MALRD1: variants seen among roughly 807,000 people sequenced by gnomAD.
MALRD1 encodes MAM and LDL-receptor class A domain-containing protein 1.
MALRD1 carries 247 observed loss-of-function variants against 242.1 expected under a neutral mutation model. The observed-to-expected ratio is 1.02, with a 90% CI of 0.92 to 1.13. The LOEUF is 1.13. Among genes scored for constraint, MALRD1 ranks in the 50% most tolerant of loss-of-function variants. The probability of loss-of-function intolerance (pLI) is 0.00; values close to 1 mark genes in which losing one functional copy is unlikely to be tolerated. For synonymous variants in MALRD1, 995 were observed against 866.6 expected, an observed-to-expected ratio of 1.15 and a Z score of -2.60; for missense variants, 2,989 against 2,533.1, an observed-to-expected ratio of 1.18 and a Z score of -3.86.
chr10:19,275,397 G>A lies in MALRD1; in HGVS notation c.3080-4650G>A, dbSNP rs563027084. Among the ~76,000 whole-genome samples, 65 of 152,244 alleles carry A rather than the reference G, an allele frequency of 4.3e-4. 1 individual carries two copies. The highest frequency in any genetic ancestry group is 6.6e-4 in the Non-Finnish European group (45 of 68,016). On this transcript the variant is annotated intron_variant, in intron 19 of 39. Coordinates refer to ENST00000454679, the MANE Select transcript of MALRD1 (RefSeq NM_001142308.3). The stretch of plus-strand genomic sequence containing the variant: ...ATAAAATCAGAAATCGGCCGGGTGC[G>A]GTGGCTCACGCCTGTAATCCCAGCA...
intron 24 of MALRD1, among the ~76,000 whole-genome samples, chr10:19,345,131 T>C (rs1175120307): frequency 6.6e-6 from 1 of 152,190 alleles, no homozygotes; most frequent in East Asian, 1.9e-4. Context: ...TATTTTTGCT[T>C]ATTTTATTTT....
chr10:19,215,492 A>G (rs1310126521), intron 18 of MALRD1, among the ~76,000 whole-genome samples: 1 of 152,188 alleles, frequency 6.6e-6, no homozygotes, highest in Non-Finnish European at 1.5e-5. Context: ...TCTTTAAAAA[A>G]GCTGTCCACT....
At chr10:19,219,811 T>C (rs1416827732) in intron 18 of MALRD1, among the ~76,000 whole-genome samples, 1 of 87,294 alleles carries the variant, frequency 1.1e-5, no homozygotes, top group East Asian at 3.2e-4. Flanking sequence ...AAAGAGATAG[T>C]GCCTGCAGAT....
intron 20 of MALRD1, among the ~76,000 whole-genome samples, chr10:19,281,690 G>T (rs1388532889): frequency 2.0e-5 from 3 of 152,124 alleles, no homozygotes; most frequent in Admixed American, 2.0e-4. Context: ...CACATAACAT[G>T]GCCAGGTGCA....
intron 13 of MALRD1, among the ~76,000 whole-genome samples, chr10:19,174,054 A>G (rs926223496): frequency 6.6e-6 from 1 of 152,188 alleles, no homozygotes; most frequent in Admixed American, 6.5e-5. Flanking sequence ...AAAACTCTCT[A>G]TGTTTATGCT....
chr10:19,502,021 AAAAAG>A lies in MALRD1; in HGVS notation c.5320+3403_5320+3407del, dbSNP rs538436241. Among the ~76,000 whole-genome samples, 272 of 114,102 alleles carry A rather than the reference AAAAAG, an allele frequency of 2.4e-3. 5 individuals carry two copies. The highest frequency in any genetic ancestry group is 3.2e-3 in the Non-Finnish European group (190 of 59,456). The allele number at this position is 114,102 out of a possible 152,430, so 74.9% of individuals were successfully genotyped here. On this transcript the variant is annotated intron_variant, in intron 31 of 39. Coordinates refer to ENST00000454679, the MANE Select transcript of MALRD1 (RefSeq NM_001142308.3). ...CAGCAAGATTCTGTCTCAAAAAAAAAAAAAGAAAAGAAAAGAAAAGAAAAGAAAAG... is the reference window on the plus strand; with the variant it reads ...CAGCAAGATTCTGTCTCAAAAAAAAAAAAAGAAAAGAAAAGAAAAGAAAAG...
intron 22 of MALRD1, among the ~76,000 whole-genome samples, chr10:19,324,734 T>C (rs1286054745): frequency 6.6e-6 from 1 of 151,918 alleles, no homozygotes; most frequent in Non-Finnish European, 1.5e-5. Context: ...TTATCTTCCC[T>C]AGGTTTTTAT....
At chr10:19,402,339 T>A (rs1259267725) in intron 28 of MALRD1, among the ~76,000 whole-genome samples, 1 of 152,156 alleles carries the variant, frequency 6.6e-6, no homozygotes, top group Non-Finnish European at 1.5e-5. Flanking sequence ...AATCCCCATG[T>A]GTCAATAACG....
intron 5 of MALRD1, among the ~76,000 whole-genome samples, chr10:19,117,492 T>A (rs894030808): frequency 6.6e-6 from 1 of 152,058 alleles, no homozygotes; most frequent in African/African-American, 2.4e-5. Flanking sequence ...AGAGATAATA[T>A]ACAACATTTA....
chr10:19,734,156 G>A lies in MALRD1; in HGVS notation c.6391-1G>A, dbSNP rs1187232477. 1 of 1,530,422 alleles carries A rather than the reference G, an allele frequency of 6.5e-7. No individual in the cohort carries two copies. The highest frequency in any genetic ancestry group is 1.4e-5 in the African/African-American group (1 of 72,678). 94.8% of individuals were successfully genotyped at this position (1,530,422 alleles called of 1,614,324 possible). On this transcript the variant is annotated splice_acceptor_variant, in intron 39 of 39. Coordinates refer to ENST00000454679, the MANE Select transcript of MALRD1 (RefSeq NM_001142308.3). LOFTEE classifies it high-confidence loss of function. ...CTTTCAAATGTGTTTTTCTTCGTCAGAGTTCTGTCTATTCCTTCTCAAACC... is the reference window on the plus strand; with the variant it reads ...CTTTCAAATGTGTTTTTCTTCGTCAAAGTTCTGTCTATTCCTTCTCAAACC...
At chr10:19,431,921 C>T (rs1834147027) in intron 28 of MALRD1, among the ~76,000 whole-genome samples, 1 of 152,172 alleles carries the variant, frequency 6.6e-6, no homozygotes, top group East Asian at 1.9e-4. Flanking sequence ...TATTACTCCT[C>T]CTGTCAGGTG....
At chr10:19,643,375 G>A (rs944106642) in intron 36 of MALRD1, among the ~76,000 whole-genome samples, 45 of 152,294 alleles carry the variant, frequency 3.0e-4, no homozygotes, top group African/African-American at 1.0e-3. Flanking sequence ...GAACCTGGGA[G>A]GCGGAGGTTT....
At chr10:19,149,127 A>AT (rs1219449117) in intron 11 of MALRD1, among the ~76,000 whole-genome samples, 7 of 97,664 alleles carry the variant, frequency 7.2e-5, no homozygotes, top group South Asian at 3.4e-4. Flanking sequence ...TATCTATCTA[A>AT]CTAGCTGAGA....
intron 38 of MALRD1, among the ~76,000 whole-genome samples, chr10:19,719,246 A>AGGGAC (rs1834624252): frequency 7.4e-6 from 1 of 134,438 alleles, no homozygotes; most frequent in Admixed American, 7.7e-5. Context: ...ATATATATAT[A>AGGGAC]TATATATATA....
chr10:19,623,833 T>A (rs920497146), intron 36 of MALRD1, among the ~76,000 whole-genome samples: 1 of 151,260 alleles, frequency 6.6e-6, no homozygotes, highest in Admixed American at 6.6e-5. Flanking sequence ...TAATCTCTTC[T>A]GGAAACATCC....
chr10:19,161,550 C>CAAA, intron 12 of MALRD1, among the ~76,000 whole-genome samples: 5,410 of 60,664 alleles, frequency 0.089, 370 homozygotes, highest in East Asian at 0.15. Flanking sequence ...AAAAAAAAAG[C>CAAA]AAAAAAAAAA....
At chr10:19,241,737 T>C (rs1355741303) in intron 18 of MALRD1, among the ~76,000 whole-genome samples, 1 of 152,100 alleles carries the variant, frequency 6.6e-6, no homozygotes, top group African/African-American at 2.4e-5. Flanking sequence ...GTTCCATAGG[T>C]TTGGGTATGT....
intron 33 of MALRD1, among the ~76,000 whole-genome samples, chr10:19,589,248 A>AT (rs1472485025): frequency 6.6e-6 from 1 of 151,906 alleles, no homozygotes; most frequent in African/African-American, 2.4e-5. Context: ...CAACATTGGT[A>AT]TTTATGTATA....
intron 36 of MALRD1, among the ~76,000 whole-genome samples, chr10:19,619,556 A>T (rs977120788): frequency 1.3e-5 from 2 of 152,044 alleles, no homozygotes; most frequent in Non-Finnish European, 2.9e-5. Flanking sequence ...CAAATTACAC[A>T]TGATATAAAT....
Sources: gnomAD v4.1 joint callset for allele counts (sites outside exome capture counted in the v4.1 genomes callset) on GRCh38, gnomAD v4.1.1 for gene constraint, MANE v1.5 for transcripts, NCBI Gene and HGNC (gene_info 2026-07-23, HGNC 2026-07-21) for gene names.